AQP7B: variants seen among roughly 807,000 people sequenced by gnomAD.
AQP7B encodes putative aquaporin-7B.
the AQP7B span, among the ~76,000 whole-genome samples, chr2:94,597,039 T>C: frequency 2.0e-5 from 3 of 152,150 alleles, no homozygotes; most frequent in African/African-American, 4.8e-5. Flanking sequence ...GGAGGACTTG[T>C]GTGAAGAAGG....
the AQP7B span, among the ~76,000 whole-genome samples, chr2:94,602,174 C>T: frequency 6.6e-6 from 1 of 151,856 alleles, no homozygotes; most frequent in Non-Finnish European, 1.5e-5. Flanking sequence ...GCCAGCCATC[C>T]CCTCCTTGCA....
the AQP7B span, among the ~76,000 whole-genome samples, chr2:94,593,186 G>A: frequency 2.0e-5 from 3 of 152,048 alleles, no homozygotes; most frequent in Admixed American, 1.3e-4. Context: ...GCACCATGGG[G>A]CATGTGGAAG....
the AQP7B span, among the ~76,000 whole-genome samples, chr2:94,598,837 G>T: frequency 6.6e-6 from 1 of 152,132 alleles, no homozygotes; most frequent in Non-Finnish European, 1.5e-5. Flanking sequence ...GACAGAGTCT[G>T]ACCCTGTTGC....
chr2:94,600,906 T>C, the AQP7B span, among the ~76,000 whole-genome samples: 1 of 148,476 alleles, frequency 6.7e-6, no homozygotes, highest in African/African-American at 2.5e-5. Flanking sequence ...ATTGGCTGCG[T>C]GCCGAGGCAC....
the AQP7B span, among the ~76,000 whole-genome samples, chr2:94,595,236 A>G: frequency 1.4e-4 from 22 of 152,174 alleles, no homozygotes; most frequent in Admixed American, 3.9e-4. Context: ...GGAGTTCGAA[A>G]CCAGCCTGGC....
At chr2:94,598,644 C>T in the AQP7B span, among the ~76,000 whole-genome samples, 2 of 152,154 alleles carry the variant, frequency 1.3e-5, no homozygotes, top group Non-Finnish European at 2.9e-5. Context: ...CCAGTGTTGC[C>T]TGAGCTGCTC....
At chr2:94,603,124 A>T in the AQP7B span, 1 of 1,558,896 alleles carries the variant, frequency 6.4e-7, no homozygotes, top group Non-Finnish European at 8.8e-7. Context: ...GTGCTGGGGC[A>T]GTTCCTGGGC....
the AQP7B span, chr2:94,588,638 C>T: frequency 3.7e-6 from 3 of 805,086 alleles, no homozygotes; most frequent in African/African-American, 1.7e-5. Flanking sequence ...CAGCCTCTCC[C>T]TTGGGGCAGC....
chr2:94,598,281 G>C, the AQP7B span, among the ~76,000 whole-genome samples: 2 of 152,200 alleles, frequency 1.3e-5, no homozygotes, highest in Non-Finnish European at 2.9e-5. Context: ...AAAAAAGCTA[G>C]TGTGACCTTG....
chr2:94,602,764 C>A, the AQP7B span: 19 of 906,508 alleles, frequency 2.1e-5, no homozygotes, highest in African/African-American at 3.0e-4. Flanking sequence ...AACCCCGTGC[C>A]TATGACTTGT....
the AQP7B span, among the ~76,000 whole-genome samples, chr2:94,594,499 C>G: frequency 2.0e-5 from 3 of 152,210 alleles, no homozygotes; most frequent in East Asian, 3.9e-4. Flanking sequence ...CATTGGTGTG[C>G]CATTTTTACT....
the AQP7B span, among the ~76,000 whole-genome samples, chr2:94,592,972 C>A: frequency 1.3e-5 from 2 of 151,816 alleles, no homozygotes; most frequent in African/African-American, 4.8e-5. Context: ...CACAGGCATA[C>A]ACCACAACAC....
chr2:94,593,944 G>T, the AQP7B span, among the ~76,000 whole-genome samples: 1 of 152,138 alleles, frequency 6.6e-6, no homozygotes, highest in South Asian at 2.1e-4. Context: ...CAAGTGCCAG[G>T]CCCTTTGGGA....
chr2:94,588,428 A>C, the AQP7B span: 1 of 608,690 alleles, frequency 1.6e-6, no homozygotes, highest in Non-Finnish European at 2.9e-6. Flanking sequence ...CTGGGGACCA[A>C]GGTCTGATGG....
At chr2:94,592,928 A>G in the AQP7B span, among the ~76,000 whole-genome samples, 5 of 143,084 alleles carry the variant, frequency 3.5e-5, no homozygotes, top group East Asian at 1.0e-3. Flanking sequence ...GGCTCAGGCA[A>G]TCCTCTCACA....
the AQP7B span, among the ~76,000 whole-genome samples, chr2:94,599,378 C>G: frequency 6.6e-6 from 1 of 152,126 alleles, no homozygotes; most frequent in African/African-American, 2.4e-5. Context: ...TCAGCTGCCT[C>G]TCCCCCACCA....
chr2:94,596,032 G>A, the AQP7B span, among the ~76,000 whole-genome samples: 1 of 152,234 alleles, frequency 6.6e-6, no homozygotes, highest in Non-Finnish European at 1.5e-5. Flanking sequence ...AGCCTGAGAA[G>A]GAACGGTCAG....
chr2:94,592,612 G>C, the AQP7B span, among the ~76,000 whole-genome samples: 1 of 151,996 alleles, frequency 6.6e-6, no homozygotes, highest in Non-Finnish European at 1.5e-5. Flanking sequence ...AGGCAGGGGA[G>C]AGGTAGACAG....
At chr2:94,597,626 GT>G in the AQP7B span, among the ~76,000 whole-genome samples, 6 of 121,814 alleles carry the variant, frequency 4.9e-5, no homozygotes, top group Non-Finnish European at 3.5e-5. Context: ...TTTTTTTTTT[GT>G]TTTTTTTTTG....
Sources: allele counts gnomAD v4.1 joint callset (sites outside exome capture counted in the v4.1 genomes callset), GRCh38; gene constraint gnomAD v4.1.1; transcripts MANE v1.5; gene names NCBI Gene and HGNC (gene_info 2026-07-23, HGNC 2026-07-21).